Variants in PCDHGB2 observed in about 807,000 individuals in gnomAD.
PCDHGB2 encodes protocadherin gamma-B2.
A neutral mutation model predicts 59.3 loss-of-function variants in PCDHGB2; 55 were observed. The ratio of observed to expected loss-of-function variants is 0.93; its 90% CI spans 0.75 to 1.16. The LOEUF is 1.16. PCDHGB2 is among the 50% of genes most tolerant of loss of function. The pLI is 0.00. For missense variants in PCDHGB2, 1,228 were observed against 1,198.5 expected (o/e 1.02, Z -0.36); for synonymous variants, 516 against 512.0 (o/e 1.01, Z -0.11).
chr5:141,408,904 T>C (rs779095615), intron 1 of PCDHGB2: 14 of 1,613,246 alleles, frequency 8.7e-6, no homozygotes, highest in Admixed American at 3.3e-5. Flanking sequence ...CTGTCAAGGA[T>C]ACCAATGATA....
chr5:141,459,687 G>A (rs191874235), intron 1 of PCDHGB2, among the ~76,000 whole-genome samples: 15 of 152,278 alleles, frequency 9.9e-5, no homozygotes, highest in Admixed American at 2.0e-4. Context: ...TGCATAAAGC[G>A]TTCCGCTTGC....
intron 2 of PCDHGB2, among the ~76,000 whole-genome samples, chr5:141,501,018 G>A (rs1337771734): frequency 2.0e-5 from 3 of 151,882 alleles, no homozygotes; most frequent in East Asian, 1.9e-4. Context: ...ACAGGCACGC[G>A]CCACCACGCC....
chr5:141,372,289 T>C (rs1170089924), intron 1 of PCDHGB2: 1 of 1,613,228 alleles, frequency 6.2e-7, no homozygotes, highest in African/African-American at 1.3e-5. Flanking sequence ...GCGCGTACCT[T>C]GGGCGACAGG....
At chr5:141,419,674 C>T (rs372932653) in intron 1 of PCDHGB2, 48 of 1,612,820 alleles carry the variant, frequency 3.0e-5, no homozygotes, top group Non-Finnish European at 3.7e-5. Context: ...CCTGGCTGTC[C>T]TACCACGTGG....
intron 1 of PCDHGB2, chr5:141,478,693 G>A: frequency 6.4e-7 from 1 of 1,550,764 alleles, no homozygotes; most frequent in Non-Finnish European, 8.7e-7. Context: ...CTAGATCAAA[G>A]TTAGTGCCTT....
chr5:141,381,932 C>T lies in PCDHGB2; in HGVS notation c.2421+19376C>T, dbSNP rs1205042648. Among the ~76,000 whole-genome samples the T allele has an allele frequency of 2.1e-5, 3 of 144,772 alleles. No homozygotes were observed. The Admixed American group carries it at 2.2e-4, about 11-fold the overall frequency. The allele number at this position is 144,772 out of a possible 152,430, so 95.0% of individuals were successfully genotyped here. A position where few individuals can be genotyped will look rare whatever the true frequency, so the allele number is the denominator to read the frequency against. ...ACAACCTCCACCTCCCGGGTTCAAG[C>T]GATTTTCCTGCCTCAGCCTCCTGAG... is the stretch of plus-strand genomic sequence containing the variant. On this transcript the variant is annotated intron_variant, in intron 1 of 3. Transcript: ENST00000522605.
chr5:141,409,143 G>A (rs778597273), intron 1 of PCDHGB2: 1 of 1,613,868 alleles, frequency 6.2e-7, no homozygotes, highest in African/African-American at 1.3e-5. Flanking sequence ...GATGTAGAAA[G>A]GTACACCATG....
chr5:141,383,928 T>C (rs543603315), intron 1 of PCDHGB2: 20 of 1,613,902 alleles, frequency 1.2e-5, no homozygotes, highest in Admixed American at 1.7e-5. Flanking sequence ...TAAATGATAA[T>C]GCTCCAGAAG....
Position 141,360,591 on chromosome 5 carries a change from T to A in PCDHGB2, c.456T>A (p.Phe152Leu). 1 of 1,613,982 alleles carries A rather than the reference T, an allele frequency of 6.2e-7. No homozygotes were observed. Among genetic ancestry groups the A allele is most frequent in the African/African-American group, 1.3e-5 (1 of 75,034 alleles). The change falls in exon 1 of 4, where the codon TTT becomes TTA. Residue 152 changes from phenylalanine to leucine, a missense_variant. Around this residue, in one of 3 missense-constraint regions of PCDHGB2, gnomAD observed 781 missense variants for 721.6 expected, o/e 1.08. Transcript: ENST00000522605. ...IGESTKPGTT[F>L]PLDPALDSDV... The stretch of plus-strand genomic sequence containing the variant: ...AATCCACTAAGCCAGGTACAACATT[T>A]CCACTTGACCCAGCCCTGGATTCAG...
intron 2 of PCDHGB2, 80 bp downstream of exon 2, chr5:141,494,945 C>G (rs2099757788): frequency 6.2e-7 from 1 of 1,608,958 alleles, no homozygotes; most frequent in Non-Finnish European, 8.5e-7. Flanking sequence ...GGGGGAGGGC[C>G]CAGCATTTGC....
chr5:141,418,730 G>GT, intron 1 of PCDHGB2: 1 of 1,613,952 alleles, frequency 6.2e-7, no homozygotes, highest in Non-Finnish European at 8.5e-7. Context: ...AGCTCAGCAC[G>GT]TGTTCTCTCT....
intron 1 of PCDHGB2, chr5:141,428,630 C>T: frequency 5.4e-6 from 1 of 185,692 alleles, no homozygotes; most frequent in Non-Finnish European, 1.1e-5. Context: ...AGCTCTAACT[C>T]TGTTGCTCCT....
At chr5:141,495,446 C>A (rs1165861519) in intron 2 of PCDHGB2, among the ~76,000 whole-genome samples, 1 of 152,220 alleles carries the variant, frequency 6.6e-6, no homozygotes, top group African/African-American at 2.4e-5. Flanking sequence ...CCCTACTTGT[C>A]CTGCTCTCTG....
intron 1 of PCDHGB2, chr5:141,370,251 A>G (rs981279976): frequency 4.3e-6 from 3 of 695,796 alleles, no homozygotes; most frequent in Non-Finnish European, 6.9e-6. Context: ...TGCACTCTCT[A>G]TCAGGCTTCC....
intron 1 of PCDHGB2, among the ~76,000 whole-genome samples, chr5:141,364,030 G>A (rs1227147450): frequency 6.6e-6 from 1 of 152,184 alleles, no homozygotes; most frequent in East Asian, 1.9e-4. Flanking sequence ...AAACATTAAG[G>A]ATATGGCAAC....
Position 141,403,914 on chromosome 5 carries a change from C to A in PCDHGB2, c.2421+41358C>A, listed in dbSNP as rs748975395. The A allele has an allele frequency of 1.3e-5, 21 of 1,613,662 alleles. No homozygotes were observed. Among genetic ancestry groups the A allele is most frequent in the South Asian group, 2.2e-5 (2 of 91,064 alleles). On this transcript the variant is annotated intron_variant, in intron 1 of 3. Coordinates refer to ENST00000522605, the MANE Select transcript of PCDHGB2 (RefSeq NM_018923.3). ...TCATTTTATGAAATGGAAATACAAG[C>A]TGAAGATGGTGGGGGATTGAAAGGG...
intron 1 of PCDHGB2, chr5:141,397,930 G>C (rs898785209): frequency 5.2e-6 from 4 of 775,998 alleles, no homozygotes; most frequent in Non-Finnish European, 8.1e-6. Flanking sequence ...TCGCGCAGCC[G>C]CAGCGCGCTT....
At chr5:141,367,387 A>C (rs1765092239) in intron 1 of PCDHGB2, 1 of 152,180 alleles carries the variant, frequency 6.6e-6, no homozygotes, top group African/African-American at 2.4e-5. Flanking sequence ...AATACAAAAA[A>C]TTAGCCGGGC....
Position 141,485,330 on chromosome 5 carries a change from C to T in PCDHGB2, c.2422-9477C>T. On this transcript the variant is annotated intron_variant, in intron 1 of 3. Transcript: ENST00000522605. This position sits in a 1 kb window ranked among gnomAD's most constrained non-coding sequence, Gnocchi z 5.7. ...TGTAGGGAATGTCGCTCAAGATTTC[C>T]TGCTGGATACGGACAGTCTGTCAGC... 6.2e-7 allele frequency: 1 copy of T among 1,614,164 alleles called. No individual in the cohort carries two copies. Among genetic ancestry groups the T allele is most frequent in the East Asian group, 2.2e-5 (1 of 44,862 alleles).
Sources: gnomAD v4.1 joint callset for allele counts (sites outside exome capture counted in the v4.1 genomes callset) on GRCh38, gnomAD v4.1.1 for gene constraint, gnomAD v4.1.1 regional missense constraint, Gnocchi (gnomAD v3.1) non-coding constraint, MANE v1.5 for transcripts, NCBI Gene and HGNC (gene_info 2026-07-23, HGNC 2026-07-21) for gene names.